Variants in CNTN3 observed in about 807,000 individuals in gnomAD.
CNTN3 encodes contactin 3, also known as contactin-3.
A neutral mutation model predicts 119.1 loss-of-function variants in CNTN3; 60 were observed. That is an observed-to-expected ratio of 0.50 (90% CI 0.41 to 0.62). The LOEUF (loss-of-function observed/expected upper bound fraction) is 0.62, where lower values mean the gene tolerates loss of function less well. Among genes scored for constraint, CNTN3 ranks in the 20% least tolerant of loss-of-function variants. The probability of loss-of-function intolerance (pLI) is 0.00; values close to 1 mark genes in which losing one functional copy is unlikely to be tolerated. For synonymous variants in CNTN3, 450 were observed against 438.7 expected (o/e 1.03, Z -0.32); for missense variants, 1,101 against 1,242.4 (o/e 0.89, Z 1.71).
At chr3:74,319,086 C>G (rs575911157) in intron 13 of CNTN3, among the ~76,000 whole-genome samples, 4 of 152,290 alleles carry the variant, frequency 2.6e-5, no homozygotes, top group Non-Finnish European at 5.9e-5. Context: ...AATGGCCATA[C>G]TGCCCAAGGT....
chr3:74,272,183 A>T (rs1425327150), intron 20 of CNTN3, among the ~76,000 whole-genome samples: 1 of 151,980 alleles, frequency 6.6e-6, no homozygotes, highest in African/African-American at 2.4e-5. Flanking sequence ...GATGAGCTTT[A>T]AAAAAAATCA....
At chr3:74,601,059 AAT>A (rs1253813339) in intron 1 of CNTN3, among the ~76,000 whole-genome samples, 1 of 150,194 alleles carries the variant, frequency 6.7e-6, no homozygotes, top group Non-Finnish European at 1.5e-5. Flanking sequence ...TTACATATAT[AAT>A]ATATGTCCTA....
chr3:74,282,184 A>C (rs1170536970), intron 20 of CNTN3, among the ~76,000 whole-genome samples: 2 of 152,158 alleles, frequency 1.3e-5, no homozygotes, highest in African/African-American at 4.8e-5. Context: ...AATGCTTCTA[A>C]AAAACACAAG....
At chr3:74,568,134 C>T (rs12054115) in intron 1 of CNTN3, among the ~76,000 whole-genome samples, 49,893 of 149,940 alleles carry the variant, frequency 0.33, 8,866 homozygotes, top group East Asian at 0.6. Flanking sequence ...AATTCTCACG[C>T]CTATGATAAC....
At chr3:74,429,765 A>T (rs142758692) in intron 4 of CNTN3, among the ~76,000 whole-genome samples, 1 of 152,326 alleles carries the variant, frequency 6.6e-6, no homozygotes, top group African/African-American at 2.4e-5. Context: ...ATCTAGAATA[A>T]GTAAGACTGC....
At chr3:74,523,851 G>T (rs1450606838) in intron 1 of CNTN3, among the ~76,000 whole-genome samples, 1 of 151,928 alleles carries the variant, frequency 6.6e-6, no homozygotes, top group East Asian at 1.9e-4. Flanking sequence ...TTACTAGATT[G>T]ATTGATAAAT....
At chr3:74,268,635 CA>C (rs1282858180) in intron 20 of CNTN3, among the ~76,000 whole-genome samples, 1 of 152,084 alleles carries the variant, frequency 6.6e-6, no homozygotes, top group Non-Finnish European at 1.5e-5. Context: ...GAGTTTAGGT[CA>C]GCTAAGATTG....
intron 5 of CNTN3, among the ~76,000 whole-genome samples, chr3:74,394,045 C>A (rs1704984355): frequency 6.6e-6 from 1 of 152,094 alleles, no homozygotes; most frequent in African/African-American, 2.4e-5. Flanking sequence ...ATTGCTTGTT[C>A]CTCATGGGAA....
chr3:74,276,430 A>G (rs574169650), intron 20 of CNTN3, among the ~76,000 whole-genome samples: 11 of 152,276 alleles, frequency 7.2e-5, no homozygotes, highest in South Asian at 2.1e-4. Flanking sequence ...TTGAAATTAT[A>G]TCAAGCACTC....
intron 4 of CNTN3, among the ~76,000 whole-genome samples, chr3:74,437,485 C>A (rs914106387): frequency 2.6e-5 from 4 of 151,618 alleles, no homozygotes; most frequent in Admixed American, 6.6e-5. Flanking sequence ...TAAAAAAAAA[C>A]CCATGTTTCT....
intron 20 of CNTN3, among the ~76,000 whole-genome samples, chr3:74,281,041 T>C (rs116699074): frequency 0.023 from 3,468 of 151,996 alleles, 137 homozygotes; most frequent in African/African-American, 0.08. Context: ...GGTCCTGAAG[T>C]AAAGTGGAAT....
intron 3 of CNTN3, 59 bp from the exon 4 acceptor site, chr3:74,486,690 T>C: frequency 7.3e-7 from 1 of 1,365,842 alleles, no homozygotes; most frequent in Non-Finnish European, 9.8e-7. Flanking sequence ...AAGAAGGCTC[T>C]CCATTATAAA....
intron 2 of CNTN3, among the ~76,000 whole-genome samples, chr3:74,509,345 G>A (rs1430550378): frequency 1.4e-5 from 2 of 139,542 alleles, no homozygotes; most frequent in Non-Finnish European, 3.0e-5. Flanking sequence ...ATGGGGTCTC[G>A]CTCTGTTGCC....
chr3:74,281,934 A>C (rs1662446793), intron 20 of CNTN3, among the ~76,000 whole-genome samples: 1 of 152,182 alleles, frequency 6.6e-6, no homozygotes, highest in South Asian at 2.1e-4. Context: ...TCACCACTTG[A>C]CTTTTTGATT....
chr3:74,383,777 A>G (rs1378436404), intron 5 of CNTN3, among the ~76,000 whole-genome samples: 1 of 152,156 alleles, frequency 6.6e-6, no homozygotes, highest in Admixed American at 6.5e-5. Context: ...GAGCCACCAC[A>G]CCTGGCCCTT....
At chr3:74,523,278 C>T (rs538897916) in intron 1 of CNTN3, among the ~76,000 whole-genome samples, 1 of 151,894 alleles carries the variant, frequency 6.6e-6, no homozygotes, top group African/African-American at 2.4e-5. Context: ...ATGAAACACA[C>T]ACAAACATGC....
intron 11 of CNTN3, among the ~76,000 whole-genome samples, chr3:74,340,486 C>T (rs1703507294): frequency 6.6e-6 from 1 of 152,052 alleles, no homozygotes; most frequent in African/African-American, 2.4e-5. Context: ...GCCATGCTCC[C>T]AACCCATCTG....
At chr3:74,274,348 G>A (rs1283285064) in intron 20 of CNTN3, among the ~76,000 whole-genome samples, 3 of 152,040 alleles carry the variant, frequency 2.0e-5, no homozygotes, top group Non-Finnish European at 4.4e-5. Context: ...AGGCCAACCA[G>A]CACAAAAATA....
intron 1 of CNTN3, among the ~76,000 whole-genome samples, chr3:74,608,760 T>C (rs913822407): frequency 6.6e-6 from 1 of 152,186 alleles, no homozygotes; most frequent in Admixed American, 6.5e-5. Context: ...TCCAGAAATA[T>C]TTACCAAAGT....
Sources: allele counts gnomAD v4.1 joint callset (sites outside exome capture counted in the v4.1 genomes callset), GRCh38; gene constraint gnomAD v4.1.1; transcripts MANE v1.5; gene names NCBI Gene and HGNC (gene_info 2026-07-23, HGNC 2026-07-21).